COLEC10: variants seen among roughly 807,000 people sequenced by gnomAD.
COLEC10 encodes collectin-10.
COLEC10 carries 22 observed loss-of-function variants against 28.4 expected under a neutral mutation model. The observed-to-expected ratio is 0.78, with a 90% CI of 0.55 to 1.11. The LOEUF (loss-of-function observed/expected upper bound fraction) is 1.11, where lower values mean the gene tolerates loss of function less well. Among genes scored for constraint, COLEC10 ranks in the 50% least tolerant of loss-of-function variants. COLEC10 has a pLI of 0.00. For synonymous variants in COLEC10, 125 were observed against 116.1 expected (o/e 1.08, Z -0.49); for missense variants, 361 against 344.1 (o/e 1.05, Z -0.39).
chr8:118,970,093 AT>A, the COLEC10 span, among the ~76,000 whole-genome samples: 2 of 152,066 alleles, frequency 1.3e-5, no homozygotes, highest in Non-Finnish European at 2.9e-5. Flanking sequence ...ATAAATAGGA[AT>A]TTCTTAATAA....
intron 1 of COLEC10, among the ~76,000 whole-genome samples, chr8:119,086,786 C>T (rs1316036304): frequency 6.6e-6 from 1 of 152,126 alleles, no homozygotes; most frequent in Non-Finnish European, 1.5e-5. Context: ...CACATATATG[C>T]TTGTTTTTAT....
chr8:119,099,878 G>A (rs1815789603), intron 3 of COLEC10, among the ~76,000 whole-genome samples: 2 of 151,834 alleles, frequency 1.3e-5, no homozygotes, highest in African/African-American at 2.4e-5. Context: ...TGTGTGTTTT[G>A]CTTTCCTTAA....
intron 2 of COLEC10, 109 bp downstream of exon 2, chr8:119,089,860 A>G: frequency 1.3e-6 from 1 of 772,418 alleles, no homozygotes; most frequent in Non-Finnish European, 2.2e-6. Flanking sequence ...CTGCCCCAAC[A>G]ATGCCTGAAA....
At chr8:118,974,155 C>T in the COLEC10 span, among the ~76,000 whole-genome samples, 2 of 151,930 alleles carry the variant, frequency 1.3e-5, no homozygotes, top group African/African-American at 2.4e-5. Context: ...CTTTCTGCCT[C>T]TTTACTCTTC....
intron 1 of COLEC10, among the ~76,000 whole-genome samples, chr8:119,004,501 G>A (rs965325794): frequency 6.6e-6 from 1 of 150,654 alleles, no homozygotes; most frequent in Admixed American, 6.6e-5. Context: ...CCCAGCCCAG[G>A]TCTCTCCCTT....
the COLEC10 span, among the ~76,000 whole-genome samples, chr8:118,976,965 A>T: frequency 1.3e-5 from 2 of 150,364 alleles, no homozygotes; most frequent in Non-Finnish European, 3.0e-5. Flanking sequence ...TTCTCAAAAG[A>T]AGACATTTAT....
At chr8:119,081,772 T>C (rs1400519947) in intron 1 of COLEC10, among the ~76,000 whole-genome samples, 1 of 152,196 alleles carries the variant, frequency 6.6e-6, no homozygotes, top group East Asian at 1.9e-4. Flanking sequence ...GTTCACATAC[T>C]AGACTAATTA....
intron 2 of COLEC10, among the ~76,000 whole-genome samples, chr8:119,035,447 A>T (rs1814373345): frequency 1.3e-5 from 2 of 152,266 alleles, no homozygotes; most frequent in Admixed American, 1.3e-4. Flanking sequence ...CTATCTGGAT[A>T]CATGAAGATG....
At chr8:119,068,169 T>A (rs1179169647) in intron 1 of COLEC10, 1 of 152,228 alleles carries the variant, frequency 6.6e-6, no homozygotes, top group Non-Finnish European at 1.5e-5. Context: ...TATTAGTAAT[T>A]CATGCTGTTT....
chr8:118,970,353 G>A, the COLEC10 span, among the ~76,000 whole-genome samples: 2 of 152,010 alleles, frequency 1.3e-5, no homozygotes, highest in African/African-American at 2.4e-5. Flanking sequence ...GATGACTGTA[G>A]TTCCAGACAC....
At chr8:119,031,259 C>T (rs1207136875) in intron 2 of COLEC10, among the ~76,000 whole-genome samples, 1 of 152,202 alleles carries the variant, frequency 6.6e-6, no homozygotes, top group Non-Finnish European at 1.5e-5. Flanking sequence ...CTGTCGTGTA[C>T]ACCCTATCTG....
chr8:118,998,994 C>G (rs1563712101), intron 1 of COLEC10, among the ~76,000 whole-genome samples: 1 of 152,024 alleles, frequency 6.6e-6, no homozygotes. Flanking sequence ...GTGCTAAGTA[C>G]TCTATGTATA....
At chr8:118,994,396 A>G (rs1813556912), upstream of COLEC10, among the ~76,000 whole-genome samples, 1 of 152,228 alleles carries the variant, frequency 6.6e-6, no homozygotes, top group South Asian at 2.1e-4. Flanking sequence ...TAAAGTTACC[A>G]AATATACAAT....
intron 1 of COLEC10, among the ~76,000 whole-genome samples, chr8:119,087,495 T>G (rs1197390875): frequency 6.6e-6 from 1 of 152,160 alleles, no homozygotes; most frequent in Non-Finnish European, 1.5e-5. Flanking sequence ...AAAGCTCAGA[T>G]AAGTTAAAGG....
intron 5 of COLEC10, 34 bp downstream of exon 5, chr8:119,103,929 T>A: frequency 2.3e-6 from 3 of 1,304,842 alleles, no homozygotes; most frequent in Non-Finnish European, 3.3e-6. Flanking sequence ...ATGTATCTAT[T>A]GATAGATCTC....
intron 2 of COLEC10, among the ~76,000 whole-genome samples, chr8:119,056,171 G>T (rs1814758375): frequency 6.6e-6 from 1 of 151,960 alleles, no homozygotes; most frequent in African/African-American, 2.4e-5. Context: ...ACCTCGAATT[G>T]ATTTGCTTCT....
the COLEC10 span, among the ~76,000 whole-genome samples, chr8:118,975,025 G>A: frequency 6.6e-6 from 1 of 152,004 alleles, no homozygotes. Context: ...TTTTCTCTCA[G>A]TAGCTACTTA....
At chr8:118,981,840 T>C in the COLEC10 span, among the ~76,000 whole-genome samples, 1 of 152,126 alleles carries the variant, frequency 6.6e-6, no homozygotes, top group Non-Finnish European at 1.5e-5. Flanking sequence ...TAAACCCCGT[T>C]TTCTCAGTTC....
At chr8:118,976,658 C>A in the COLEC10 span, 1 of 152,146 alleles carries the variant, frequency 6.6e-6, no homozygotes, top group Non-Finnish European at 1.5e-5. Flanking sequence ...AGAAGAAAAC[C>A]CAGGCATTAC....
Sources: allele counts gnomAD v4.1 joint callset (sites outside exome capture counted in the v4.1 genomes callset), GRCh38; gene constraint gnomAD v4.1.1; transcripts MANE v1.5; gene names NCBI Gene and HGNC (gene_info 2026-07-23, HGNC 2026-07-21).